PON3: variants seen among roughly 807,000 people sequenced by gnomAD.
PON3 encodes the protein paraoxonase 3.
Under a neutral mutation model 36.3 loss-of-function variants are expected in PON3, and 37 were observed. The observed-to-expected ratio is 1.02, with a 90% CI of 0.78 to 1.34. PON3 has a LOEUF of 1.34. Among genes scored for constraint, PON3 ranks in the 40% most tolerant of loss-of-function variants. PON3 has a pLI of 0.00. For synonymous variants in PON3, 155 were observed against 154.8 expected (o/e 1.00, Z -0.01); for missense variants, 415 against 426.5 (o/e 0.97, Z 0.24).
In PON3 at chr7:95,363,935, C is replaced by CTTAAAG; in HGVS notation, c.622_623insCTTTAA (p.Tyr207_Ser208insThrLeu). On this transcript the variant is annotated inframe_insertion, in exon 6 of 9. Coordinates refer to ENST00000265627, the MANE Select transcript of PON3 (RefSeq NM_000940.3). ...GGCCACCACTTTAACCTCCCTTGGG[C>CTTAAAG]TGTAGAAAAGAACATAAGTCCAGCG... The CTTAAAG allele has an allele frequency of 6.2e-7, 1 of 1,613,868 alleles. No homozygotes were observed. Among genetic ancestry groups the CTTAAAG allele is most frequent in the Non-Finnish European group, 8.5e-7 (1 of 1,179,802 alleles).
chr7:95,396,107 A>C (rs550969498), intron 1 of PON3, 170 bp downstream of exon 1: 1 of 731,670 alleles, frequency 1.4e-6, no homozygotes, highest in East Asian at 2.6e-5. Context: ...CAAGTAGCTC[A>C]CTTTCCCCAT....
chr7:95,372,082 T>C, intron 4 of PON3, 91 bp downstream of exon 4: 2 of 1,412,392 alleles, frequency 1.4e-6, no homozygotes, highest in Admixed American at 3.4e-5. Context: ...TAGCATCTTC[T>C]CTCTTCCTGT....
rs1808587440 is a variant in PON3 at position 95,362,312 on chromosome 7, A to G, written c.906+50T>C. On this transcript the variant is annotated intron_variant, in intron 8 of 8. Transcript: ENST00000265627. ...AAATTCTTCCAAGTCACCCCAACAA[A>G]TTTGTTCTTGCAGCTTTGCCTGTGA... 3.1e-6 allele frequency: 5 copies of G among 1,609,394 alleles called. No homozygotes were observed. The Admixed American group carries it at 5.0e-5, about 16-fold the overall frequency.
intron 3 of PON3, among the ~76,000 whole-genome samples, chr7:95,388,466 T>C (rs891542617): frequency 3.3e-5 from 5 of 152,110 alleles, no homozygotes; most frequent in African/African-American, 1.2e-4. Context: ...TGTGGAGAAA[T>C]AGGAACACTT....
intron 5 of PON3, chr7:95,364,377 G>GGT: frequency 2.5e-6 from 1 of 402,208 alleles, no homozygotes; most frequent in East Asian, 5.6e-5. Flanking sequence ...TGTGACAGTT[G>GGT]TAGTGCAGTT....
At chr7:95,363,680 A>G (rs1333576982) in intron 6 of PON3, 183 bp downstream of exon 6, 2 of 666,942 alleles carry the variant, frequency 3.0e-6, no homozygotes, top group Middle Eastern at 4.1e-4. Flanking sequence ...GGAAGAACCT[A>G]AAGTCCAAGG....
In PON3 at chr7:95,377,173, G is replaced by A. The variant is rs113348791; in HGVS notation, c.202-4835C>T. 6.4e-3 allele frequency among the ~76,000 whole-genome samples: 980 copies of A among 152,304 alleles called. 6 individuals are homozygous for A. The highest frequency in any genetic ancestry group is 0.022 in the African/African-American group (914 of 41,568). The stretch of plus-strand genomic sequence containing the variant: ...GCACAGCAGTCTGAGATCAACCTGC[G>A]ATGCTGCAGCTTGGCAGGGGGAGGG... On this transcript the variant is annotated intron_variant, in intron 3 of 8. Coordinates refer to ENST00000265627, the MANE Select transcript of PON3 (RefSeq NM_000940.3).
chr7:95,395,596 G>C (rs1809411819), intron 1 of PON3, among the ~76,000 whole-genome samples: 1 of 152,126 alleles, frequency 6.6e-6, no homozygotes, highest in Non-Finnish European at 1.5e-5. Flanking sequence ...AACACTCAAA[G>C]ACAACTGAAA....
chr7:95,378,554 T>C (rs1808972567), intron 3 of PON3, among the ~76,000 whole-genome samples: 1 of 152,166 alleles, frequency 6.6e-6, no homozygotes, highest in African/African-American at 2.4e-5. Context: ...ACAGCTGATC[T>C]CTCGGCACAA....
intron 1 of PON3, chr7:95,395,964 T>C: frequency 2.5e-6 from 1 of 401,966 alleles, no homozygotes; most frequent in Non-Finnish European, 4.7e-6. Flanking sequence ...AGCAGAATGT[T>C]GAGGGCGAGC....
At position 95,396,312 on chromosome 7, in the gene PON3, G is replaced by C; in HGVS notation, c.39C>G (p.Gly13=). 6.2e-7 allele frequency: 1 copy of C among 1,613,956 alleles called. No homozygotes were observed. The highest frequency in any genetic ancestry group is 8.5e-7 in the Non-Finnish European group (1 of 1,179,962). ...KLVALVLLGV[G]LSLVGEMFLA... is the part of the protein sequence containing the mutation. ...GGAACATCTCCCCGACTAAGGACAGGCCGACCCCCAGCAGGACCAGCGCCA... is the reference window on the plus strand; with the variant it reads ...GGAACATCTCCCCGACTAAGGACAGCCCGACCCCCAGCAGGACCAGCGCCA... The change falls in exon 1 of 9, where the codon GGC becomes GGG. Residue 13 remains glycine, a synonymous_variant. Coordinates refer to ENST00000265627, the MANE Select transcript of PON3 (RefSeq NM_000940.3).
intron 3 of PON3, among the ~76,000 whole-genome samples, chr7:95,379,095 G>C (rs575930664): frequency 2.0e-5 from 3 of 150,490 alleles, no homozygotes; most frequent in Non-Finnish European, 4.4e-5. Context: ...AAAAAAGCAG[G>C]AGTTGCAATC....
intron 3 of PON3, among the ~76,000 whole-genome samples, chr7:95,382,969 C>A (rs1158617879): frequency 6.6e-6 from 1 of 152,098 alleles, no homozygotes; most frequent in Non-Finnish European, 1.5e-5. Flanking sequence ...TACTAGCAAA[C>A]CAAATCCAGC....
intron 3 of PON3, among the ~76,000 whole-genome samples, chr7:95,382,878 G>C (rs992654555): frequency 6.6e-6 from 1 of 151,954 alleles, no homozygotes; most frequent in Admixed American, 6.6e-5. Flanking sequence ...CTGATACCAA[G>C]GCCTGGCAGA....
In PON3 at chr7:95,362,830, A is replaced by AC. The variant is rs1223492432; in HGVS notation, c.706dup (p.Val236GlyfsTer3). The AC allele has an allele frequency of 6.2e-7, 1 of 1,607,816 alleles. No individual in the cohort carries two copies. The highest frequency in any genetic ancestry group is 1.1e-5 in the South Asian group (1 of 90,940). ...AATGTTCTTAGCTGCTACATCAGCT[A>AC]CATAGACATACCTTTGAAGTAAATG... On this transcript the variant is annotated frameshift_variant, in exon 7 of 9. Coordinates refer to ENST00000265627, the MANE Select transcript of PON3 (RefSeq NM_000940.3). LOFTEE classifies it high-confidence loss of function.
At chr7:95,384,131 T>C (rs749515293) in intron 3 of PON3, among the ~76,000 whole-genome samples, 6 of 152,300 alleles carry the variant, frequency 3.9e-5, no homozygotes, top group Admixed American at 1.3e-4. Flanking sequence ...TAAATGGTGC[T>C]GGGAAAACTG....
chr7:95,363,643 C>G, intron 6 of PON3: 1 of 585,834 alleles, frequency 1.7e-6, no homozygotes, highest in South Asian at 2.0e-5. Flanking sequence ...TCCTTATATC[C>G]TTAAGTCCAC....
intron 2 of PON3, among the ~76,000 whole-genome samples, chr7:95,393,910 T>C (rs1809373985): frequency 6.6e-6 from 1 of 152,142 alleles, no homozygotes; most frequent in Admixed American, 6.5e-5. Context: ...TATTATTTTT[T>C]TTAAGACAAA....
chr7:95,384,243 TA>T (rs1215047192), intron 3 of PON3, among the ~76,000 whole-genome samples: 1 of 152,122 alleles, frequency 6.6e-6, no homozygotes, highest in Non-Finnish European at 1.5e-5. Context: ...CCTAAAACCA[TA>T]AAAACCCTAG....
Sources: gnomAD v4.1 joint callset for allele counts (sites outside exome capture counted in the v4.1 genomes callset) on GRCh38, gnomAD v4.1.1 for gene constraint, MANE v1.5 for transcripts, NCBI Gene and HGNC (gene_info 2026-07-23, HGNC 2026-07-21) for gene names.